POLR1E: variants seen among roughly 807,000 people sequenced by gnomAD.
The protein encoded by POLR1E is DNA-directed RNA polymerase I subunit RPA49.
POLR1E carries 37 observed loss-of-function variants against 50.9 expected under a neutral mutation model. The observed-to-expected ratio is 0.73, with a 90% confidence interval of 0.56 to 0.96. The LOEUF (loss-of-function observed/expected upper bound fraction) is 0.96, where lower values mean the gene tolerates loss of function less well. POLR1E is among the 40% of genes least tolerant of loss of function. The probability of loss-of-function intolerance (pLI) is 0.00; values close to 1 mark genes in which losing one functional copy is unlikely to be tolerated. For synonymous variants in POLR1E, 166 were observed against 191.6 expected, an observed-to-expected ratio of 0.87 and a Z score of 1.10; for missense variants, 426 against 518.1, an observed-to-expected ratio of 0.82 and a Z score of 1.73.
chr9:37,491,072 A>AT (rs1470827205), intron 4 of POLR1E, among the ~76,000 whole-genome samples: 6 of 151,964 alleles, frequency 3.9e-5, no homozygotes, highest in African/African-American at 1.2e-4. Flanking sequence ...AGGAAGATCT[A>AT]TTTTTTTTCC....
chr9:37,501,665 G>C, intron 10 of POLR1E, 48 bp from the exon 11 acceptor site: 1 of 1,590,592 alleles, frequency 6.3e-7, no homozygotes, highest in Non-Finnish European at 8.6e-7. Flanking sequence ...TGGAGAAATT[G>C]TCTGAGAGTT....
intron 2 of POLR1E, 38 bp from the exon 3 acceptor site, chr9:37,487,825 A>G (rs1820605878): frequency 1.3e-6 from 2 of 1,578,092 alleles, no homozygotes; most frequent in South Asian, 2.2e-5. Context: ...ACCTTTCAAC[A>G]TTGGTTGTAA....
At position 37,498,218 on chromosome 9, in the gene POLR1E, C is replaced by T. The variant is rs768322349; in HGVS notation, c.880C>T (p.Arg294Trp). ...IKFRAHRVVKRKSALGPGVPH... is the reference protein window; with the variant it reads ...IKFRAHRVVKWKSALGPGVPH... ...ATTTCGAGCTCATAGGGTAGTTAAG[C>T]GGAAAAGTAAGTCTATGATAAACAT... The change falls in exon 9 of 12, where the codon CGG (arginine) becomes TGG (tryptophan). Residue 294 changes from arginine (R) to tryptophan (W), a missense_variant. Arg to Trp is a moderately radical substitution (Grantham distance 101). Transcript: ENST00000377798. 19 of 1,611,922 alleles carry T rather than the reference C, an allele frequency of 1.2e-5. No homozygotes were observed. The East Asian group carries it at 2.5e-4, about 21-fold the overall frequency.
Position 37,503,323 on chromosome 9 carries a change from AT to A in POLR1E, c.*122del. ...CCGGGGATGGTGGCTCACACCTGAA[AT>A]CCCAGCACTTTGGGAGGCCGAGGCA... On this transcript the variant is annotated 3_prime_UTR_variant, in exon 12 of 12. Transcript: ENST00000377798. 1 of 1,265,114 alleles carries A rather than the reference AT, an allele frequency of 7.9e-7. No homozygotes were observed. Among genetic ancestry groups the A allele is most frequent in the Non-Finnish European group, 1.1e-6 (1 of 948,056 alleles). 78.4% of individuals were successfully genotyped at this position (1,265,114 alleles called of 1,614,324 possible). A position where few individuals can be genotyped will look rare whatever the true frequency, so the allele number is the denominator to read the frequency against.
chr9:37,501,213 C>T (rs1468547918), intron 10 of POLR1E, among the ~76,000 whole-genome samples: 3 of 152,246 alleles, frequency 2.0e-5, no homozygotes, highest in Non-Finnish European at 4.4e-5. Flanking sequence ...CCCGATGTCT[C>T]ACAGAGCTGG....
chr9:37,495,316 G>C (rs1243377578), intron 7 of POLR1E, 40 bp downstream of exon 7: 1 of 1,518,374 alleles, frequency 6.6e-7, no homozygotes, highest in East Asian at 2.2e-5. Flanking sequence ...TATTTCACAA[G>C]TTGAGATGTT....
rs766052080 is a variant in POLR1E, at chr9:37,501,745, C to T, written c.1001C>T (p.Ala334Val). 4.0e-5 allele frequency: 65 copies of T among 1,613,374 alleles called. No homozygotes were observed. Among genetic ancestry groups the T allele is most frequent in the Non-Finnish European group, 5.0e-5 (59 of 1,179,850 alleles). ...AACTTAATTTCGGATTCTATGAAGG[C>T]GAAGATTACTGCATATGTGATCATA... ...LRNLISDSMK[A>V]KITAYVIILA... The change falls in exon 11 of 12, where the codon GCG becomes GTG. Residue 334 changes from alanine to valine, a missense_variant. Coordinates refer to ENST00000377798, the MANE Select transcript of POLR1E (RefSeq NM_022490.4).
chr9:37,495,942 G>A lies in POLR1E; in HGVS notation c.708G>A (p.Arg236=), dbSNP rs761422375. Residue 236 remains arginine (R), a synonymous_variant, in exon 8 of 12, where the codon AGG becomes AGA. Transcript: ENST00000377798. ...TTCAGAGCCCATCTGAAGCTTTCAG[G>A]AACGTCACGTCAGAAGAAATACTGA... is the stretch of plus-strand genomic sequence containing the variant. ...EALQSPSEAF[R]NVTSEEILKM... 1 of 1,614,004 alleles carries A rather than the reference G, an allele frequency of 6.2e-7. No individual in the cohort carries two copies. The highest frequency in any genetic ancestry group is 1.3e-5 in the African/African-American group (1 of 74,916).
In POLR1E at chr9:37,489,349, C is replaced by G. The variant is rs1221671199; in HGVS notation, c.292C>G (p.Gln98Glu). 2 of 1,601,798 alleles carry G rather than the reference C, an allele frequency of 1.2e-6. No homozygotes were observed. Among genetic ancestry groups the G allele is most frequent in the Non-Finnish European group, 1.7e-6 (2 of 1,177,112 alleles). The change falls in exon 4 of 12, where the codon CAA (glutamine) becomes GAA (glutamate). Residue 98 changes from glutamine to glutamate, a missense_variant. Transcript: ENST00000377798. ...FVGILNKTSG[Q>E]MEVYDAELFN... ...GGGAATTTTGAACAAGACCTCTGGC[C>G]AAATGGAAGTATATGATGCTGAATT...
chr9:37,503,112 T>A lies in POLR1E; in HGVS notation c.1170T>A (p.Ser390Arg). ...GAAGGGTGTCTGTGGCCGCCGGCAG[T>A]GAAGAAGATCACAAGCTGGGCACCC... Reference protein sequence around the residue: ...SKRRVSVAAGSEEDHKLGTLS... With the variant: ...SKRRVSVAAGREEDHKLGTLS... Residue 390 changes from serine to arginine, a missense_variant, in exon 12 of 12, where the codon AGT becomes AGA. Transcript: ENST00000377798. 1 of 1,614,038 alleles carries A rather than the reference T, an allele frequency of 6.2e-7. No individual in the cohort carries two copies. The highest frequency in any genetic ancestry group is 8.5e-7 in the Non-Finnish European group (1 of 1,179,998).
rs878931294 is a variant in POLR1E at position 37,490,647 on chromosome 9, G to A, written c.343+1247G>A. Reference sequence around the variant, plus strand: ...CTCAATACGCACACTAATTCTCTTGGCAAGAATCTTGCCCTTGTTTGTTTA... The same window carrying A: ...CTCAATACGCACACTAATTCTCTTGACAAGAATCTTGCCCTTGTTTGTTTA... On this transcript the variant is annotated intron_variant, in intron 4 of 11. Coordinates refer to ENST00000377798, the MANE Select transcript of POLR1E (RefSeq NM_022490.4). 5 of 725,264 alleles carry A rather than the reference G, an allele frequency of 6.9e-6. No individual in the cohort carries two copies. In the South Asian group the frequency reaches 7.1e-5, roughly 10 times the overall value. The allele number at this position is 725,264 out of a possible 1,614,324, so 44.9% of individuals were successfully genotyped here.
chr9:37,486,939 C>T (rs940673075), intron 2 of POLR1E, 133 bp downstream of exon 2: 5 of 1,069,958 alleles, frequency 4.7e-6, no homozygotes, highest in Non-Finnish European at 5.2e-6. Flanking sequence ...ACTCTGATGC[C>T]CAGCAGCCTG....
At chr9:37,495,748 C>G in intron 7 of POLR1E, 142 bp from the exon 8 acceptor site, 1 of 612,722 alleles carries the variant, frequency 1.6e-6, no homozygotes, top group Admixed American at 2.7e-5. Flanking sequence ...AGTCACCAAG[C>G]TCTGCCCCTA....
In POLR1E at chr9:37,487,178, A is replaced by G. The variant is rs569973798; in HGVS notation, c.180+372A>G. 4.6e-5 allele frequency among the ~76,000 whole-genome samples: 7 copies of G among 152,336 alleles called. No individual in the cohort carries two copies. In the South Asian group the frequency reaches 1.4e-3, roughly 32 times the overall value. On this transcript the variant is annotated intron_variant, in intron 2 of 11. Coordinates refer to ENST00000377798, the MANE Select transcript of POLR1E (RefSeq NM_022490.4). ...GCAGCATCCCTAGTCTCTACTCATTAGATGCCAGTAGCACCAGAGTGGATT... is the reference window on the plus strand; with the variant it reads ...GCAGCATCCCTAGTCTCTACTCATTGGATGCCAGTAGCACCAGAGTGGATT...
intron 10 of POLR1E, 77 bp from the exon 11 acceptor site, chr9:37,501,636 G>A: frequency 6.6e-7 from 1 of 1,513,500 alleles, no homozygotes; most frequent in Admixed American, 1.8e-5. Context: ...AATAGGATTG[G>A]ATGTTCTTAT....
intron 6 of POLR1E, 141 bp from the exon 7 acceptor site, chr9:37,495,028 G>T: frequency 1.5e-6 from 1 of 671,936 alleles, no homozygotes. Flanking sequence ...TCAGCCTGAT[G>T]GGGAGGCGAG....
chr9:37,489,865 C>T (rs10973363), intron 4 of POLR1E, among the ~76,000 whole-genome samples: 32,640 of 152,040 alleles, frequency 0.21, 3,628 homozygotes, highest in East Asian at 0.26. Flanking sequence ...CTAGCCACTG[C>T]GCCCGGCCTA....
intron 1 of POLR1E, chr9:37,486,430 T>G (rs1820576232): frequency 5.9e-6 from 9 of 1,537,402 alleles, no homozygotes; most frequent in Non-Finnish European, 7.9e-6. Flanking sequence ...GTTCCTTCTG[T>G]CACTTTAGGT....
At chr9:37,489,235 C>T in intron 3 of POLR1E, 80 bp from the exon 4 acceptor site, 1 of 923,346 alleles carries the variant, frequency 1.1e-6, no homozygotes, top group South Asian at 1.7e-5. Flanking sequence ...GACTCTGTCT[C>T]AAAAAAAAAA....
Sources: allele counts gnomAD v4.1 joint callset (sites outside exome capture counted in the v4.1 genomes callset), GRCh38; gene constraint gnomAD v4.1.1; transcripts MANE v1.5; gene names NCBI Gene and HGNC (gene_info 2026-07-23, HGNC 2026-07-21).